The following PTPN4 variants were observed in gnomAD, a reference collection of about 807,000 sequenced individuals.
PTPN4 encodes the protein tyrosine-protein phosphatase non-receptor type 4.
Under a neutral mutation model 135.5 loss-of-function variants are expected in PTPN4, and 49 were observed. The observed-to-expected ratio is 0.36, with a 90% CI of 0.29 to 0.46. The LOEUF is 0.46. Ranked by LOEUF, PTPN4 falls within the 20% of genes least tolerant of loss-of-function variation. The pLI is 1.00. For missense variants in PTPN4, 860 were observed against 1,101.0 expected, an observed-to-expected ratio of 0.78 and a Z score of 3.10; for synonymous variants, 333 against 369.9, an observed-to-expected ratio of 0.90 and a Z score of 1.14.
intron 2 of PTPN4, among the ~76,000 whole-genome samples, chr2:119,820,561 G>A (rs1677050834): frequency 6.6e-6 from 1 of 152,190 alleles, no homozygotes. Context: ...TCTTTGCCCA[G>A]ATGCTGGTGT....
chr2:119,981,920 C>A lies in PTPN4; in HGVS notation c.*4850C>A, dbSNP rs1199465085. ...TGCTATTGATTTCTGAAGTTATAAT[C>A]ATAATTTTTATTTTAGTAATCCAAG... On this transcript the variant is annotated 3_prime_UTR_variant, in exon 27 of 27. Coordinates refer to ENST00000263708, the MANE Select transcript of PTPN4 (RefSeq NM_002830.4). The A allele has an allele frequency of 6.6e-6, 1 of 152,056 alleles. No homozygotes were observed. The highest frequency in any genetic ancestry group is 1.5e-5 in the Non-Finnish European group (1 of 67,962). The allele number at this position is 152,056 out of a possible 1,614,324, so 9.4% of individuals were successfully genotyped here.
At chr2:119,878,898 C>T (rs1171056660) in intron 5 of PTPN4, among the ~76,000 whole-genome samples, 1 of 151,642 alleles carries the variant, frequency 6.6e-6, no homozygotes, top group Non-Finnish European at 1.5e-5. Context: ...TCAAGAACAT[C>T]CTGGCTAACA....
intron 3 of PTPN4, among the ~76,000 whole-genome samples, chr2:119,865,880 T>TA (rs1677827979): frequency 1.3e-5 from 2 of 152,108 alleles, no homozygotes; most frequent in Non-Finnish European, 2.9e-5. Context: ...ACCTAGCATT[T>TA]TGTTTTTTTC....
intron 12 of PTPN4, among the ~76,000 whole-genome samples, chr2:119,923,334 T>C (rs1009588093): frequency 6.6e-6 from 1 of 152,200 alleles, no homozygotes; most frequent in Non-Finnish European, 1.5e-5. Context: ...ATCAGGCCAC[T>C]GCACTTCAGC....
chr2:119,794,185 A>G (rs1207507550), intron 1 of PTPN4, among the ~76,000 whole-genome samples: 6 of 152,132 alleles, frequency 3.9e-5, no homozygotes, highest in African/African-American at 7.2e-5. Flanking sequence ...GTAAAGTAGC[A>G]TATAATAAGT....
chr2:119,910,598 C>A (rs944350451), intron 10 of PTPN4, among the ~76,000 whole-genome samples: 1 of 152,146 alleles, frequency 6.6e-6, no homozygotes, highest in Non-Finnish European at 1.5e-5. Flanking sequence ...CCCCATGTGT[C>A]AAGGGTGGGA....
intron 2 of PTPN4, among the ~76,000 whole-genome samples, chr2:119,830,752 G>A (rs544217001): frequency 3.9e-5 from 6 of 152,204 alleles, no homozygotes; most frequent in South Asian, 2.1e-4. Flanking sequence ...ATGAGCCACC[G>A]TGCCTGGCTC....
At chr2:119,899,387 T>C (rs1284390670) in intron 9 of PTPN4, among the ~76,000 whole-genome samples, 1 of 152,192 alleles carries the variant, frequency 6.6e-6, no homozygotes, top group Non-Finnish European at 1.5e-5. Context: ...TTTTCTGTTT[T>C]TTACCTCCAC....
chr2:119,783,597 G>A (rs1250426200), intron 1 of PTPN4, among the ~76,000 whole-genome samples: 4 of 152,196 alleles, frequency 2.6e-5, no homozygotes, highest in Non-Finnish European at 5.9e-5. Context: ...TGAAGAAATA[G>A]AAATCATTAT....
chr2:119,968,024 G>A (rs758504113), intron 26 of PTPN4, 52 bp downstream of exon 26: 2 of 1,289,570 alleles, frequency 1.6e-6, no homozygotes, highest in South Asian at 2.0e-5. Flanking sequence ...GATGATTTTT[G>A]TTGCCAATGC....
intron 2 of PTPN4, among the ~76,000 whole-genome samples, chr2:119,825,117 A>G (rs545978391): frequency 6.6e-6 from 1 of 152,284 alleles, no homozygotes; most frequent in African/African-American, 2.4e-5. Flanking sequence ...ACTTGTGGAA[A>G]TTATCTTGTT....
Position 119,888,564 on chromosome 2 carries a change from C to T in PTPN4, c.675+2682C>T, listed in dbSNP as rs150145216. 3.2e-3 allele frequency among the ~76,000 whole-genome samples: 494 copies of T among 152,204 alleles called. 2 individuals carry two copies. Among genetic ancestry groups the T allele is most frequent in the African/African-American group, 0.011 (467 of 41,530 alleles). On this transcript the variant is annotated intron_variant, in intron 9 of 26. Transcript: ENST00000263708. Reference sequence around the variant, plus strand: ...TGTTGAAGTTTTTCAAATGCTTTTACAATGTCTTTTGAGATGGTTATATGG... The same window carrying T: ...TGTTGAAGTTTTTCAAATGCTTTTATAATGTCTTTTGAGATGGTTATATGG...
chr2:119,767,774 C>T (rs948378937), intron 1 of PTPN4, among the ~76,000 whole-genome samples: 2 of 152,310 alleles, frequency 1.3e-5, no homozygotes, highest in Admixed American at 6.5e-5. Flanking sequence ...GAAATAATGT[C>T]GTGATATTCT....
chr2:119,816,162 A>T (rs1219695550), intron 2 of PTPN4, among the ~76,000 whole-genome samples: 1 of 152,232 alleles, frequency 6.6e-6, no homozygotes, highest in Non-Finnish European at 1.5e-5. Context: ...TAGGCTACAA[A>T]CCTGAACAGC....
intron 10 of PTPN4, among the ~76,000 whole-genome samples, chr2:119,907,842 A>G (rs545430210): frequency 3.3e-5 from 5 of 152,300 alleles, no homozygotes; most frequent in African/African-American, 1.2e-4. Flanking sequence ...CACCTAGAAC[A>G]TAGAGTAGGG....
intron 6 of PTPN4, 128 bp downstream of exon 6, chr2:119,881,958 C>G (rs1420659914): frequency 9.5e-7 from 1 of 1,056,062 alleles, no homozygotes; most frequent in Non-Finnish European, 1.4e-6. Flanking sequence ...GTGTGAATTC[C>G]TTTCATCAGA....
chr2:119,897,031 C>T (rs1044763204), intron 9 of PTPN4, among the ~76,000 whole-genome samples: 18 of 152,100 alleles, frequency 1.2e-4, no homozygotes, highest in African/African-American at 4.1e-4. Context: ...AGTGATTCTC[C>T]CACCTCAGCC....
At chr2:119,860,406 G>A (rs1445211690) in intron 2 of PTPN4, among the ~76,000 whole-genome samples, 2 of 152,164 alleles carry the variant, frequency 1.3e-5, no homozygotes, top group Non-Finnish European at 2.9e-5. Context: ...ACATGGATAT[G>A]AATCTTGGAA....
In PTPN4 at chr2:119,960,776, A is replaced by T. The variant is rs776528351; in HGVS notation, c.2134-31A>T. On this transcript the variant is annotated intron_variant, in intron 22 of 26. Transcript: ENST00000263708. ...TGATTACTGTAAAAAGTAATGCAAA[A>T]CATTTTATTTTCATGCCCTTTTCTT... The T allele has an allele frequency of 4.4e-6, 7 of 1,599,716 alleles. No individual in the cohort carries two copies. In the South Asian group the frequency reaches 4.5e-5, roughly 10 times the overall value.
Sources: allele counts gnomAD v4.1 joint callset (sites outside exome capture counted in the v4.1 genomes callset), GRCh38; gene constraint gnomAD v4.1.1; transcripts MANE v1.5; gene names NCBI Gene and HGNC (gene_info 2026-07-23, HGNC 2026-07-21).